TSNARE1: variants seen among roughly 807,000 people sequenced by gnomAD.
The protein encoded by TSNARE1 is t-SNARE domain containing 1, also known as t-SNARE domain-containing protein 1.
In TSNARE1, 49 loss-of-function variants were observed where a neutral mutation model predicts 62.0. The ratio of observed to expected loss-of-function variants is 0.79; its 90% confidence interval spans 0.63 to 1.00. The LOEUF is 1.00. TSNARE1 is among the 50% of genes least tolerant of loss of function. The pLI is 0.00. For missense variants in TSNARE1, 755 were observed against 700.1 expected (o/e 1.08, Z -0.88); for synonymous variants, 328 against 294.4 (o/e 1.11, Z -1.17).
Position 142,254,975 on chromosome 8 carries a change from A to T in TSNARE1, c.1446+19806T>A, listed in dbSNP as rs140195586. ...TCACTCTGAGCCCAGCCTTGTGCTG[A>T]CTGCCTGGGTGGTTTGGGGGGATAG... is the stretch of plus-strand genomic sequence containing the variant. On this transcript the variant is annotated intron_variant, in intron 12 of 13. Coordinates refer to ENST00000524325, the MANE Select transcript of TSNARE1 (RefSeq NM_145003.5). Among the ~76,000 whole-genome samples, 15 of 152,204 alleles carry T rather than the reference A, an allele frequency of 9.9e-5. No homozygotes were observed. In the East Asian group the frequency reaches 2.9e-3, roughly 29 times the overall value.
chr8:142,266,075 C>T (rs1253346102), intron 12 of TSNARE1, among the ~76,000 whole-genome samples: 1 of 152,146 alleles, frequency 6.6e-6, no homozygotes, highest in Non-Finnish European at 1.5e-5. Context: ...GATGAAGGAA[C>T]CCTTGAGCTT....
Position 142,344,353 on chromosome 8 carries a change from G to C in TSNARE1, c.358C>G (p.Arg120Gly), listed in dbSNP as rs556972748. The change falls in exon 4 of 14, where the codon CGG (arginine) becomes GGG (glycine). Residue 120 changes from arginine (R) to glycine (G), a missense_variant. Arg to Gly is a moderately radical substitution (Grantham distance 125). Transcript: ENST00000524325. ...AAGTTGGGCTTCCTCTTCTTGGCCC[G>C]GGTAGTGCTGGGCCCCGCCATCCGG... ...HGRMAGPSTTRAKKRKPNFCP... is the reference protein window; with the variant it reads ...HGRMAGPSTTGAKKRKPNFCP... 6.4e-7 allele frequency: 1 copy of C among 1,572,398 alleles called. No homozygotes were observed. Among genetic ancestry groups the C allele is most frequent in the Non-Finnish European group, 8.6e-7 (1 of 1,160,956 alleles).
At chr8:142,355,508 C>T (rs1352880831) in intron 1 of TSNARE1, among the ~76,000 whole-genome samples, 1 of 152,160 alleles carries the variant, frequency 6.6e-6, no homozygotes, top group African/African-American at 2.4e-5. Context: ...CTGGGCATCC[C>T]GCCCAAACCT....
intron 10 of TSNARE1, among the ~76,000 whole-genome samples, chr8:142,296,368 G>A (rs530283431): frequency 1.7e-5 from 2 of 118,382 alleles, no homozygotes; most frequent in East Asian, 5.4e-4. Flanking sequence ...ATGGGGGAAG[G>A]GTGGTCACTG....
chr8:142,250,363 C>T (rs1392003296), intron 12 of TSNARE1, among the ~76,000 whole-genome samples: 1 of 152,088 alleles, frequency 6.6e-6, no homozygotes, highest in African/African-American at 2.4e-5. Flanking sequence ...CCTTGGGGTG[C>T]GAGGTTGGAG....
chr8:142,387,373 C>T (rs12386827), intron 1 of TSNARE1, among the ~76,000 whole-genome samples: 30,741 of 151,530 alleles, frequency 0.2, 3,226 homozygotes, highest in East Asian at 0.28. Context: ...TTTAGAAAAA[C>T]GATAAGATAA....
chr8:142,337,965 A>G (rs1052955444), intron 4 of TSNARE1, among the ~76,000 whole-genome samples: 1 of 152,166 alleles, frequency 6.6e-6, no homozygotes, highest in Non-Finnish European at 1.5e-5. Context: ...AGGTCCAGAG[A>G]GGGCCCCCCT....
At chr8:142,251,663 A>C (rs1464620167) in intron 12 of TSNARE1, among the ~76,000 whole-genome samples, 1 of 152,104 alleles carries the variant, frequency 6.6e-6, no homozygotes. Context: ...GCCTCTTGCC[A>C]GGGCCTGGGC....
chr8:142,224,214 A>G (rs10089631), intron 13 of TSNARE1, among the ~76,000 whole-genome samples: 136,086 of 151,984 alleles, frequency 0.9, 61,001 homozygotes, highest in Non-Finnish European at 0.92. Flanking sequence ...GGCTGGTGGG[A>G]AAAGGGGAGG....
chr8:142,240,104 G>A (rs964990331), intron 12 of TSNARE1, among the ~76,000 whole-genome samples: 1 of 151,958 alleles, frequency 6.6e-6, no homozygotes, highest in Non-Finnish European at 1.5e-5. Flanking sequence ...TTTACAAGAG[G>A]CATATCAAAA....
At chr8:142,398,635 A>G (rs1290443938) in intron 1 of TSNARE1, among the ~76,000 whole-genome samples, 2 of 152,194 alleles carry the variant, frequency 1.3e-5, no homozygotes, top group African/African-American at 4.8e-5. Context: ...GAGCAAGGCC[A>G]GGACAGCCTG....
chr8:142,365,202 C>T (rs949206545), intron 1 of TSNARE1, among the ~76,000 whole-genome samples: 2 of 152,186 alleles, frequency 1.3e-5, no homozygotes, highest in African/African-American at 4.8e-5. Context: ...CATGATCTCC[C>T]TGCCCAAAGT....
intron 13 of TSNARE1, among the ~76,000 whole-genome samples, chr8:142,216,340 T>A (rs911284096): frequency 2.6e-5 from 4 of 151,250 alleles, no homozygotes; most frequent in African/African-American, 7.3e-5. Flanking sequence ...GGGCTGGGGG[T>A]GTGGGGCTGG....
intron 13 of TSNARE1, among the ~76,000 whole-genome samples, chr8:142,221,441 A>T (rs183300657): frequency 6.6e-6 from 1 of 152,352 alleles, no homozygotes; most frequent in Admixed American, 6.5e-5. Context: ...TTCAGAAAAC[A>T]TTAAAACCCT....
chr8:142,338,541 G>GGACCACTGGGCAAGCTGACAGGCTGCCTC (rs1563942607), intron 4 of TSNARE1, among the ~76,000 whole-genome samples: 14,035 of 140,900 alleles, frequency 0.1, 1,125 homozygotes, highest in East Asian at 0.16. Context: ...CAGGCTGCCT[G>GGACCACTGGGCAAGCTGACAGGCTGCCTC]GACCACTGGG....
rs142440311 is a variant in TSNARE1, at chr8:142,374,830, A to C, written c.-39-20067T>G. Among the ~76,000 whole-genome samples, 1,498 of 151,962 alleles carry C rather than the reference A, an allele frequency of 9.9e-3. 13 individuals are homozygous for C. The highest frequency in any genetic ancestry group is 0.021 in the East Asian group (108 of 5,158). On this transcript the variant is annotated intron_variant, in intron 1 of 13. Transcript: ENST00000524325. ...AGGGGCTGGGGCGGAGGAAGGAGAG[A>C]CTCAGCTCAGCCTGGGGAACAGGCG...
chr8:142,343,977 T>C lies in TSNARE1; in HGVS notation c.734A>G (p.Glu245Gly), dbSNP rs146971562. Residue 245 changes from glutamate to glycine, a missense_variant, in exon 4 of 14, where the codon GAG becomes GGG. Physicochemically the swap from Glu to Gly is moderately conservative, Grantham distance 98. Coordinates refer to ENST00000524325, the MANE Select transcript of TSNARE1 (RefSeq NM_145003.5). ...QALPSEGFSL[E>G]PPRATQVDPC... ...AGCAAGGAACTCACCTCTGGGCGGC[T>C]CCAGACTGAAGCCCTCGGAGGGCAG... The C allele has an allele frequency of 3.1e-5, 47 of 1,532,866 alleles. No individual in the cohort carries two copies. Among genetic ancestry groups the C allele is most frequent in the Non-Finnish European group, 3.8e-5 (43 of 1,139,058 alleles). The allele number at this position is 1,532,866 out of a possible 1,614,324, so 95.0% of individuals were successfully genotyped here.
intron 11 of TSNARE1, chr8:142,277,874 G>A (rs564907093): frequency 2.2e-5 from 22 of 985,380 alleles, no homozygotes; most frequent in Middle Eastern, 5.2e-4. Flanking sequence ...CTAAGCACCT[G>A]GGCCACACCA....
At chr8:142,272,804 C>T (rs369126638) in intron 12 of TSNARE1, 10,464 of 978,862 alleles carry the variant, frequency 0.011, 135 homozygotes, top group Admixed American at 0.081. Context: ...CCTGACACAC[C>T]GTGGGGAGGG....
Sources: allele counts gnomAD v4.1 joint callset (sites outside exome capture counted in the v4.1 genomes callset), GRCh38; gene constraint gnomAD v4.1.1; transcripts MANE v1.5; gene names NCBI Gene and HGNC (gene_info 2026-07-23, HGNC 2026-07-21).